PPP6R3: variants seen among roughly 807,000 people sequenced by gnomAD.
PPP6R3 encodes serine/threonine-protein phosphatase 6 regulatory subunit 3.
A neutral mutation model predicts 110.7 loss-of-function variants in PPP6R3; 38 were observed. The ratio of observed to expected loss-of-function variants is 0.34; its 90% confidence interval spans 0.26 to 0.45. The LOEUF is 0.45. Ranked by LOEUF, PPP6R3 falls within the 20% of genes least tolerant of loss-of-function variation. PPP6R3 has a pLI of 1.00. For synonymous variants in PPP6R3, 369 were observed against 373.5 expected, an observed-to-expected ratio of 0.99 and a Z score of 0.14; for missense variants, 870 against 1,062.4, an observed-to-expected ratio of 0.82 and a Z score of 2.52.
chr11:68,541,730 G>A (rs557908501), intron 3 of PPP6R3, among the ~76,000 whole-genome samples: 2 of 152,228 alleles, frequency 1.3e-5, no homozygotes, highest in South Asian at 4.1e-4. Context: ...AGTGTGGGCT[G>A]GCCTGGGTTC....
rs2099633172 is a variant in PPP6R3 at position 68,601,972 on chromosome 11, G to A, written c.2299+3G>A. 4 of 1,609,022 alleles carry A rather than the reference G, an allele frequency of 2.5e-6. No individual in the cohort carries two copies. Among genetic ancestry groups the A allele is most frequent in the Non-Finnish European group, 3.4e-6 (4 of 1,177,032 alleles). On this transcript the variant is annotated splice_donor_region_variant and intron_variant, in intron 21 of 23. Coordinates refer to ENST00000393800, the MANE Select transcript of PPP6R3 (RefSeq NM_001164161.2). The stretch of plus-strand genomic sequence containing the variant: ...TGCCCTGGCAGTGCAGCCAGAAGGT[G>A]CGTGCAGAGAGGCCTGGGTACACGC...
At chr11:68,509,752 T>TC (rs2099098742) in intron 1 of PPP6R3, among the ~76,000 whole-genome samples, 1 of 140,658 alleles carries the variant, frequency 7.1e-6, no homozygotes, top group Non-Finnish European at 1.5e-5. Context: ...TAATTTTTTT[T>TC]TTTTTTTTTT....
intron 2 of PPP6R3, among the ~76,000 whole-genome samples, chr11:68,520,234 T>C (rs2099157531): frequency 6.6e-6 from 1 of 152,226 alleles, no homozygotes; most frequent in African/African-American, 2.4e-5. Flanking sequence ...TTGTCCCCAT[T>C]GTATCTCTAG....
chr11:68,594,382 C>CAT (rs2099606841), intron 18 of PPP6R3, among the ~76,000 whole-genome samples: 1 of 150,000 alleles, frequency 6.7e-6, no homozygotes, highest in African/African-American at 2.5e-5. Context: ...TATGACTGGG[C>CAT]ATGGTGGCTC....
chr11:68,614,851 C>A lies in PPP6R3; in HGVS notation c.*1734C>A. ...CCTCAGGGCTGCCTGACTTGAATGG[C>A]GTTGGACCTCGGGGATTACTGGTAG... On this transcript the variant is annotated 3_prime_UTR_variant, in exon 24 of 24. Coordinates refer to ENST00000393800, the MANE Select transcript of PPP6R3 (RefSeq NM_001164161.2). The A allele has an allele frequency of 9.2e-7, 1 of 1,091,098 alleles. No individual in the cohort carries two copies. The highest frequency in any genetic ancestry group is 1.4e-6 in the Non-Finnish European group (1 of 738,796). The allele number at this position is 1,091,098 out of a possible 1,614,324, so 67.6% of individuals were successfully genotyped here.
chr11:68,606,304 T>C (rs1348249099), intron 22 of PPP6R3, among the ~76,000 whole-genome samples: 7 of 151,876 alleles, frequency 4.6e-5, no homozygotes, highest in Admixed American at 1.3e-4. Flanking sequence ...CCTCCCTCCT[T>C]CCTCCTTCTT....
At chr11:68,590,800 C>A (rs1181265906) in intron 17 of PPP6R3, 86 bp downstream of exon 17, 27 of 1,381,192 alleles carry the variant, frequency 2.0e-5, no homozygotes, top group Non-Finnish European at 1.9e-5. Flanking sequence ...CATGCTGGGA[C>A]CCCTGTGCTC....
intron 1 of PPP6R3, among the ~76,000 whole-genome samples, chr11:68,478,647 GTTTTTTTTTTTT>G (rs769296530): frequency 2.2e-4 from 11 of 50,514 alleles, no homozygotes; most frequent in Admixed American, 1.5e-3. Context: ...CACTTGGTAA[GTTTTTTTTTTTT>G]TTTTTTTTTT....
Position 68,498,065 on chromosome 11 carries a change from C to T in PPP6R3, c.-157-21436C>T, listed in dbSNP as rs544668786. ...TAGACATTTCTTTTTCTATTATAAG[C>T]TCTTTGGACATTATTATATATGACT... On this transcript the variant is annotated intron_variant, in intron 1 of 23. Coordinates refer to ENST00000393800, the MANE Select transcript of PPP6R3 (RefSeq NM_001164161.2). Among the ~76,000 whole-genome samples, 4 of 152,218 alleles carry T rather than the reference C, an allele frequency of 2.6e-5. No individual in the cohort carries two copies. The East Asian group carries it at 7.7e-4, about 29-fold the overall frequency.
At chr11:68,478,751 G>A (rs1306449358) in intron 1 of PPP6R3, among the ~76,000 whole-genome samples, 2 of 135,242 alleles carry the variant, frequency 1.5e-5, no homozygotes, top group African/African-American at 5.5e-5. Flanking sequence ...TCCGCCTCCC[G>A]GGTTCAAGTG....
intron 6 of PPP6R3, among the ~76,000 whole-genome samples, chr11:68,553,939 A>C (rs769203460): frequency 6.6e-6 from 1 of 152,196 alleles, no homozygotes; most frequent in Non-Finnish European, 1.5e-5. Flanking sequence ...ACATAGCAGT[A>C]ATGTACTGTG....
intron 23 of PPP6R3, among the ~76,000 whole-genome samples, chr11:68,610,854 C>A (rs1210214904): frequency 6.6e-6 from 1 of 151,158 alleles, no homozygotes; most frequent in Non-Finnish European, 1.5e-5. Context: ...ACCCCCACCC[C>A]ATCCTCCCCC....
chr11:68,582,734 T>G (rs950026159), intron 14 of PPP6R3, among the ~76,000 whole-genome samples: 2 of 152,204 alleles, frequency 1.3e-5, no homozygotes, highest in African/African-American at 4.8e-5. Flanking sequence ...TTGTAAACAT[T>G]TAATTGGAGG....
Position 68,569,907 on chromosome 11 carries a change from T to A in PPP6R3, c.1278+10T>A. 6.3e-7 allele frequency: 1 copy of A among 1,597,098 alleles called. No individual in the cohort carries two copies. The highest frequency in any genetic ancestry group is 8.6e-7 in the Non-Finnish European group (1 of 1,168,134). ...TTTGTTATTAAAACATGTAAGCTTA[T>A]TTGGTCTCGTTTTTCTCCCACTCTC... On this transcript the variant is annotated intron_variant, in intron 11 of 23. Transcript: ENST00000393800.
intron 1 of PPP6R3, among the ~76,000 whole-genome samples, chr11:68,501,843 G>A (rs557497146): frequency 3.1e-4 from 47 of 152,256 alleles, no homozygotes; most frequent in African/African-American, 1.1e-3. Context: ...CAGTCCTAGC[G>A]CTTCCTGTGC....
In PPP6R3 at chr11:68,542,389, G is replaced by GTTTTTTTTTTGT. The variant is rs1555132282; in HGVS notation, c.228-2439_228-2438insGTTTTTTTTTTT. The stretch of plus-strand genomic sequence containing the variant: ...ATCTTTGGGTGCTTGAGAAGCTGCT[G>GTTTTTTTTTTGT]TTTTTTTTTTTTTTTTTTTTTTAAG... On this transcript the variant is annotated intron_variant, in intron 3 of 23. Coordinates refer to ENST00000393800, the MANE Select transcript of PPP6R3 (RefSeq NM_001164161.2). Among the ~76,000 whole-genome samples the GTTTTTTTTTTGT allele has an allele frequency of 3.0e-4, 12 of 40,208 alleles. 1 individual carries two copies. In the South Asian group the frequency reaches 7.2e-3, roughly 24 times the overall value. 26.4% of individuals were successfully genotyped at this position (40,208 alleles called of 152,430 possible).
At chr11:68,588,593 G>A (rs1045951982) in intron 16 of PPP6R3, among the ~76,000 whole-genome samples, 2 of 151,674 alleles carry the variant, frequency 1.3e-5, no homozygotes, top group Non-Finnish European at 2.9e-5. Context: ...TAGTAGCTGG[G>A]ACTACAGGTA....
At chr11:68,552,300 G>T (rs904774576) in intron 6 of PPP6R3, among the ~76,000 whole-genome samples, 2 of 152,236 alleles carry the variant, frequency 1.3e-5, no homozygotes, top group African/African-American at 2.4e-5. Context: ...GAGCACAGCA[G>T]AGGAGCTGTG....
intron 1 of PPP6R3, among the ~76,000 whole-genome samples, chr11:68,467,229 T>C (rs2098754792): frequency 6.6e-6 from 1 of 152,250 alleles, no homozygotes; most frequent in Non-Finnish European, 1.5e-5. Context: ...TTTACAGATA[T>C]AAGGAGGCTC....
Sources: allele counts gnomAD v4.1 joint callset (sites outside exome capture counted in the v4.1 genomes callset), GRCh38; gene constraint gnomAD v4.1.1; transcripts MANE v1.5; gene names NCBI Gene and HGNC (gene_info 2026-07-23, HGNC 2026-07-21).